Variants in WIPF1 observed in about 807,000 individuals in gnomAD.
The protein encoded by WIPF1 is WAS/WASL interacting protein family member 1, also known as WAS/WASL-interacting protein family member 1.
A neutral mutation model predicts 35.4 loss-of-function variants in WIPF1; 13 were observed. The observed-to-expected ratio is 0.37, with a 90% CI of 0.24 to 0.58. WIPF1 has a LOEUF of 0.58. Among genes scored for constraint, WIPF1 ranks in the 20% least tolerant of loss-of-function variants. The probability of loss-of-function intolerance (pLI) is 0.74; values close to 1 mark genes in which losing one functional copy is unlikely to be tolerated. For missense variants in WIPF1, 591 were observed against 667.0 expected, an observed-to-expected ratio of 0.89 and a Z score of 1.25; for synonymous variants, 267 against 266.3, an observed-to-expected ratio of 1.00 and a Z score of -0.02.
intron 2 of WIPF1, among the ~76,000 whole-genome samples, chr2:174,584,923 G>A (rs1054402673): frequency 7.9e-5 from 12 of 151,406 alleles, no homozygotes; most frequent in South Asian, 2.1e-4. Context: ...AAAAAGACCA[G>A]GATGAATCCA....
At chr2:174,672,756 C>T (rs1688047480) in intron 1 of WIPF1, among the ~76,000 whole-genome samples, 1 of 152,202 alleles carries the variant, frequency 6.6e-6, no homozygotes, top group Non-Finnish European at 1.5e-5. Flanking sequence ...CCTGCAGATT[C>T]TCTACTCTAC....
intron 1 of WIPF1, among the ~76,000 whole-genome samples, chr2:174,634,280 G>A (rs1208891189): frequency 6.6e-6 from 1 of 152,220 alleles, no homozygotes; most frequent in Non-Finnish European, 1.5e-5. Flanking sequence ...TGTTCTTTCA[G>A]AAGCAGAGAA....
intron 1 of WIPF1, among the ~76,000 whole-genome samples, chr2:174,605,077 A>G (rs1686115659): frequency 6.6e-6 from 1 of 152,242 alleles, no homozygotes; most frequent in African/African-American, 2.4e-5. Context: ...AGACGTGGAG[A>G]CTGAGCATGA....
In WIPF1 at chr2:174,568,092, C is replaced by T; in HGVS notation, c.1130-19G>A. 1 of 1,604,596 alleles carries T rather than the reference C, an allele frequency of 6.2e-7. No individual in the cohort carries two copies. The highest frequency in any genetic ancestry group is 1.1e-5 in the South Asian group (1 of 90,034). ...AGGGGGCCTGGAGCAAAAAAAGACA[C>T]TTAGTGCAGAACCTTACATCCACAT... On this transcript the variant is annotated intron_variant, in intron 5 of 7. Transcript: ENST00000679041.
chr2:174,603,182 G>T (rs4972452), intron 1 of WIPF1, among the ~76,000 whole-genome samples: 77,073 of 152,074 alleles, frequency 0.51, 20,349 homozygotes, highest in East Asian at 0.92. Context: ...AATTGGAAGA[G>T]GGAGAAAAAC....
At chr2:174,568,361 T>C (rs974146030) in intron 5 of WIPF1, among the ~76,000 whole-genome samples, 2 of 152,116 alleles carry the variant, frequency 1.3e-5, no homozygotes, top group African/African-American at 4.8e-5. Context: ...CAGGTGAAAA[T>C]CTGTTTACAC....
At chr2:174,637,443 A>G (rs1687207399) in intron 1 of WIPF1, among the ~76,000 whole-genome samples, 1 of 152,242 alleles carries the variant, frequency 6.6e-6, no homozygotes, top group South Asian at 2.1e-4. Flanking sequence ...TTAATAAAAA[A>G]TTTTGTTTAA....
intron 2 of WIPF1, 77 bp downstream of exon 2, chr2:174,585,446 C>T (rs1685380469): frequency 3.9e-6 from 5 of 1,292,864 alleles, no homozygotes; most frequent in Non-Finnish European, 4.3e-6. Context: ...ACATTTAATA[C>T]AAACACATGC....
At chr2:174,588,884 C>T (rs1685516102) in intron 1 of WIPF1, among the ~76,000 whole-genome samples, 1 of 152,340 alleles carries the variant, frequency 6.6e-6, no homozygotes, top group South Asian at 2.1e-4. Flanking sequence ...CTCTCTTCCT[C>T]TGCGAACTTG....
rs753404562 is a variant in WIPF1, at chr2:174,571,605, G to C, written c.1129+71C>G. 2.2e-5 allele frequency: 36 copies of C among 1,600,456 alleles called. No individual in the cohort carries two copies. In the African/African-American group the frequency reaches 4.7e-4, roughly 21 times the overall value. On this transcript the variant is annotated intron_variant, in intron 5 of 7. Coordinates refer to ENST00000679041, the MANE Select transcript of WIPF1 (RefSeq NM_001375834.1). The surrounding 1 kb of genome is among the most constrained non-coding windows in gnomAD (Gnocchi z 4.6). ...ATGCCTGCTTTTGTTAGACTATCTT[G>C]ACTGACAGGATTATTGGTACATTTG... is the stretch of plus-strand genomic sequence containing the variant.
intron 1 of WIPF1, among the ~76,000 whole-genome samples, chr2:174,657,933 A>AG (rs1687680738): frequency 1.5e-5 from 2 of 134,262 alleles, no homozygotes; most frequent in African/African-American, 5.3e-5. Flanking sequence ...AAAAAAAAAA[A>AG]AGAGAGAGAG....
chr2:174,643,831 A>AT (rs536643444), intron 1 of WIPF1, among the ~76,000 whole-genome samples: 2 of 151,888 alleles, frequency 1.3e-5, no homozygotes, highest in Non-Finnish European at 2.9e-5. Flanking sequence ...CTCATTTAGT[A>AT]TTTTTTTTAC....
chr2:174,572,863 A>G (rs1179807593), intron 4 of WIPF1, among the ~76,000 whole-genome samples: 1 of 152,214 alleles, frequency 6.6e-6, no homozygotes, highest in Non-Finnish European at 1.5e-5. Context: ...TTTTGAAACT[A>G]AGTCAGCTGT....
At chr2:174,641,655 C>T (rs1687296002) in intron 1 of WIPF1, among the ~76,000 whole-genome samples, 1 of 152,200 alleles carries the variant, frequency 6.6e-6, no homozygotes, top group African/African-American at 2.4e-5. Flanking sequence ...CTTGGCTACT[C>T]TAAATACTAT....
chr2:174,665,317 GACACTCA>G (rs1227795041), intron 1 of WIPF1: 1 of 152,226 alleles, frequency 6.6e-6, no homozygotes, highest in Non-Finnish European at 1.5e-5. Context: ...ATGCATCACA[GACACTCA>G]ACTGTTTTCT....
At chr2:174,663,687 CAG>C (rs1381381606) in intron 1 of WIPF1, among the ~76,000 whole-genome samples, 1 of 152,248 alleles carries the variant, frequency 6.6e-6, no homozygotes, top group Non-Finnish European at 1.5e-5. Flanking sequence ...GGGAGGAAAA[CAG>C]AGGAACACGC....
chr2:174,609,127 A>G (rs1056221039), intron 1 of WIPF1, among the ~76,000 whole-genome samples: 2 of 152,204 alleles, frequency 1.3e-5, no homozygotes, highest in African/African-American at 4.8e-5. Flanking sequence ...TGCCATAAGA[A>G]TGGGGGGCCT....
chr2:174,615,794 T>C lies in WIPF1; in HGVS notation c.-38-30183A>G, dbSNP rs368195673. Among the ~76,000 whole-genome samples, 11 of 152,304 alleles carry C rather than the reference T, an allele frequency of 7.2e-5. No homozygotes were observed. The East Asian group carries it at 1.7e-3, about 24-fold the overall frequency. ...AGCAGGCAAAGGTCATCGGAGGACA[T>C]TATTTTAGCTGAAATTCTGAGTATC... is the stretch of plus-strand genomic sequence containing the variant. On this transcript the variant is annotated intron_variant, in intron 1 of 8. Transcript: ENST00000272746.
rs183637035 is a variant in WIPF1 at position 174,582,432 on chromosome 2, C to A, written c.52-993G>T. Among the ~76,000 whole-genome samples the A allele has an allele frequency of 2.6e-5, 4 of 152,324 alleles. No homozygotes were observed. The East Asian group carries it at 7.7e-4, about 29-fold the overall frequency. On this transcript the variant is annotated intron_variant, in intron 2 of 7. Transcript: ENST00000679041. ...GTCTGGCTGCCCCAAACCCACAGGT[C>A]CTTTCTAGGCTGGCCCCAGCCCTTC...
Sources: gnomAD v4.1 joint callset for allele counts (sites outside exome capture counted in the v4.1 genomes callset) on GRCh38, gnomAD v4.1.1 for gene constraint, Gnocchi (gnomAD v3.1) non-coding constraint, MANE v1.5 for transcripts, NCBI Gene and HGNC (gene_info 2026-07-23, HGNC 2026-07-21) for gene names.